PCDHA10: variants seen among roughly 807,000 people sequenced by gnomAD.
The protein encoded by PCDHA10 is protocadherin alpha-10.
PCDHA10 carries 45 observed loss-of-function variants against 61.2 expected under a neutral mutation model. The ratio of observed to expected loss-of-function variants is 0.74; its 90% CI spans 0.58 to 0.94. PCDHA10 has a LOEUF of 0.94. Among genes scored for constraint, PCDHA10 ranks in the 40% least tolerant of loss-of-function variants. PCDHA10 has a pLI of 0.00. For synonymous variants in PCDHA10, 602 were observed against 548.8 expected, an observed-to-expected ratio of 1.10 and a Z score of -1.35; for missense variants, 1,278 against 1,236.2, an observed-to-expected ratio of 1.03 and a Z score of -0.51.
chr5:140,941,402 C>T (rs544909478), intron 1 of PCDHA10, among the ~76,000 whole-genome samples: 12 of 149,674 alleles, frequency 8.0e-5, no homozygotes, highest in African/African-American at 2.5e-4. Flanking sequence ...CTGCAACCTC[C>T]GCCTCCCGGG....
intron 3 of PCDHA10, among the ~76,000 whole-genome samples, chr5:141,008,162 G>A (rs1280112352): frequency 6.6e-6 from 1 of 152,128 alleles, no homozygotes; most frequent in East Asian, 1.9e-4. Flanking sequence ...ATAAGATGAG[G>A]ACTAAAATGT....
In PCDHA10 at chr5:140,856,020, G is replaced by C. The variant is rs782082828; in HGVS notation, c.-29G>C. 111 of 1,553,262 alleles carry C rather than the reference G, an allele frequency of 7.1e-5. 11 individuals are homozygous for C. Among genetic ancestry groups the C allele is most frequent in the Non-Finnish European group, 9.5e-5 (109 of 1,143,834 alleles). ...TATGTGCGTTCTAGACCGCTGATTC[G>C]TCGATTTGTAAAACAAGAGAAGGAT... On this transcript the variant is annotated 5_prime_UTR_variant, in exon 1 of 4. Coordinates refer to ENST00000307360, the MANE Select transcript of PCDHA10 (RefSeq NM_018901.4).
chr5:140,909,935 A>G (rs2074774035), intron 1 of PCDHA10, among the ~76,000 whole-genome samples: 1 of 152,154 alleles, frequency 6.6e-6, no homozygotes, highest in Admixed American at 6.5e-5. Flanking sequence ...AATCACAGTT[A>G]CTCTGGTAAA....
intron 1 of PCDHA10, chr5:140,866,712 T>C (rs2049515311): frequency 6.6e-6 from 1 of 152,156 alleles, no homozygotes; most frequent in South Asian, 2.1e-4. Context: ...CGTGCACTAG[T>C]AAGACATTAA....
At chr5:140,905,944 A>G (rs2072219566) in intron 1 of PCDHA10, among the ~76,000 whole-genome samples, 3 of 152,216 alleles carry the variant, frequency 2.0e-5, no homozygotes, top group Non-Finnish European at 4.4e-5. Flanking sequence ...AGAACTTGGA[A>G]TCCGATGTTC....
intron 1 of PCDHA10, among the ~76,000 whole-genome samples, chr5:140,939,697 A>G (rs1327140175): frequency 6.6e-6 from 1 of 152,232 alleles, no homozygotes; most frequent in African/African-American, 2.4e-5. Context: ...GCTGGACATT[A>G]TCATTTGTGA....
intron 1 of PCDHA10, among the ~76,000 whole-genome samples, chr5:140,920,334 T>A (rs2079581280): frequency 6.6e-6 from 1 of 152,212 alleles, no homozygotes; most frequent in South Asian, 2.1e-4. Context: ...TTATGGCATT[T>A]CTTATTTGTC....
intron 2 of PCDHA10, among the ~76,000 whole-genome samples, chr5:140,979,906 C>T (rs190577549): frequency 1.8e-4 from 27 of 152,204 alleles, no homozygotes; most frequent in African/African-American, 5.5e-4. Context: ...TAGATCAGTT[C>T]GTAAAGAGAA....
chr5:140,895,124 T>A (rs2064859568), intron 1 of PCDHA10, among the ~76,000 whole-genome samples: 1 of 152,196 alleles, frequency 6.6e-6, no homozygotes, highest in Non-Finnish European at 1.5e-5. Flanking sequence ...ATTTGTTAGT[T>A]GACAAGTTCA....
intron 1 of PCDHA10, among the ~76,000 whole-genome samples, chr5:140,898,033 G>T (rs1293808474): frequency 2.6e-5 from 4 of 152,032 alleles, no homozygotes; most frequent in African/African-American, 9.7e-5. Flanking sequence ...TTTTGATGGG[G>T]TTGTTTGTTT....
intron 1 of PCDHA10, chr5:140,862,463 G>C (rs2047375519): frequency 2.7e-6 from 1 of 370,738 alleles, no homozygotes. Flanking sequence ...TGGACCAAGA[G>C]AGCAAATCTA....
At chr5:140,918,573 C>CT (rs1392285106) in intron 1 of PCDHA10, among the ~76,000 whole-genome samples, 1 of 152,154 alleles carries the variant, frequency 6.6e-6, no homozygotes, top group Non-Finnish European at 1.5e-5. Context: ...TATTATGCTG[C>CT]TATTGGCTAT....
intron 1 of PCDHA10, chr5:140,967,765 C>A: frequency 6.2e-7 from 1 of 1,614,234 alleles, no homozygotes; most frequent in Non-Finnish European, 8.5e-7. Context: ...CCTACCAGAT[C>A]TATGTGCAGG....
chr5:140,872,791 G>A (rs549291235), intron 1 of PCDHA10, among the ~76,000 whole-genome samples: 1 of 152,194 alleles, frequency 6.6e-6, no homozygotes, highest in South Asian at 2.1e-4. Flanking sequence ...TATGCTAGTT[G>A]GCATTCTTCC....
chr5:140,869,040 G>A, intron 1 of PCDHA10: 23 of 1,529,286 alleles, frequency 1.5e-5, no homozygotes, highest in Non-Finnish European at 1.9e-5. Flanking sequence ...TTTTTAACCT[G>A]AAACTGAAGA....
At chr5:140,966,712 T>C (rs2153748592) in intron 1 of PCDHA10, 2 of 1,392,090 alleles carry the variant, frequency 1.4e-6, no homozygotes, top group Middle Eastern at 2.7e-4. Flanking sequence ...GGGGCACGGC[T>C]GGGGAAGCTG....
intron 1 of PCDHA10, among the ~76,000 whole-genome samples, chr5:140,947,528 T>C (rs1175792550): frequency 6.6e-6 from 1 of 151,692 alleles, no homozygotes; most frequent in African/African-American, 2.4e-5. Context: ...GAATCAACTT[T>C]TCAATTTCTA....
chr5:140,882,958 C>T (rs1582656438), intron 1 of PCDHA10: 1 of 1,614,040 alleles, frequency 6.2e-7, no homozygotes, highest in Non-Finnish European at 8.5e-7. Flanking sequence ...AGCTGCTCAT[C>T]ACGATTCTGG....
At chr5:140,882,039 TGA>T (rs781834736) in intron 1 of PCDHA10, 12 of 658,206 alleles carry the variant, frequency 1.8e-5, no homozygotes, top group Non-Finnish European at 2.9e-5. Flanking sequence ...ATATGAAGAC[TGA>T]GTCATACTTA....
Sources: gnomAD v4.1 joint callset for allele counts (sites outside exome capture counted in the v4.1 genomes callset) on GRCh38, gnomAD v4.1.1 for gene constraint, MANE v1.5 for transcripts, NCBI Gene and HGNC (gene_info 2026-07-23, HGNC 2026-07-21) for gene names.